The following SVIL variants were observed in gnomAD, a reference collection of about 807,000 sequenced individuals.
SVIL encodes archvillin.
In SVIL, 101 loss-of-function variants were observed where a neutral mutation model predicts 240.4. The observed-to-expected ratio is 0.42, with a 90% CI of 0.36 to 0.50. The LOEUF is 0.50. SVIL is among the 20% of genes least tolerant of loss of function. SVIL has a pLI of 0.01. For synonymous variants in SVIL, 999 were observed against 1,100.0 expected, an observed-to-expected ratio of 0.91 and a Z score of 1.82; for missense variants, 2,512 against 2,818.7, an observed-to-expected ratio of 0.89 and a Z score of 2.46.
intron 2 of SVIL, among the ~76,000 whole-genome samples, chr10:29,664,409 T>C (rs1959193248): frequency 6.6e-6 from 1 of 152,122 alleles, no homozygotes; most frequent in Admixed American, 6.5e-5. Flanking sequence ...TGATGTAATA[T>C]TGTCTATAGC....
chr10:29,599,360 T>A (rs1018853445), intron 1 of SVIL, among the ~76,000 whole-genome samples: 9 of 152,240 alleles, frequency 5.9e-5, no homozygotes, highest in East Asian at 1.9e-4. Flanking sequence ...GTGAGAATGT[T>A]GTTTTCTTTC....
chr10:29,640,282 C>G (rs895063009), intron 3 of SVIL, among the ~76,000 whole-genome samples: 2 of 152,164 alleles, frequency 1.3e-5, no homozygotes, highest in Non-Finnish European at 2.9e-5. Flanking sequence ...CTGGCACTTT[C>G]TGACCACTTC....
intron 1 of SVIL, among the ~76,000 whole-genome samples, chr10:29,719,191 C>A (rs1332223412): frequency 6.6e-6 from 1 of 152,140 alleles, no homozygotes. Context: ...CCCATTTATG[C>A]TGGAGGTTGC....
chr10:29,615,195 T>A (rs1957386563), intron 1 of SVIL, among the ~76,000 whole-genome samples: 2 of 152,196 alleles, frequency 1.3e-5, no homozygotes, highest in African/African-American at 2.4e-5. Flanking sequence ...TGCTATTTTT[T>A]AAAAAACTAT....
At chr10:29,598,386 T>C (rs1956678206) in intron 1 of SVIL, among the ~76,000 whole-genome samples, 1 of 152,204 alleles carries the variant, frequency 6.6e-6, no homozygotes, top group Non-Finnish European at 1.5e-5. Flanking sequence ...TGTGTGTATT[T>C]TACCACAATA....
intron 6 of SVIL, among the ~76,000 whole-genome samples, chr10:29,540,580 C>T (rs1564605361): frequency 1.3e-5 from 2 of 152,190 alleles, no homozygotes; most frequent in Admixed American, 6.5e-5. Flanking sequence ...CAGCATGCAC[C>T]TTCCTTCCAG....
chr10:29,696,661 A>G (rs1962045518), intron 1 of SVIL, among the ~76,000 whole-genome samples: 1 of 149,132 alleles, frequency 6.7e-6, no homozygotes, highest in Admixed American at 6.6e-5. Context: ...TTGGGAGGTG[A>G]GGAGTGTCTC....
intron 1 of SVIL, among the ~76,000 whole-genome samples, chr10:29,701,925 G>A (rs934246621): frequency 1.3e-5 from 2 of 152,268 alleles, no homozygotes; most frequent in Middle Eastern, 3.4e-3. Flanking sequence ...TGTAATCCCA[G>A]CACTTTGGGA....
intron 2 of SVIL, among the ~76,000 whole-genome samples, chr10:29,670,782 C>T (rs1333306614): frequency 1.3e-5 from 2 of 152,172 alleles, no homozygotes; most frequent in Non-Finnish European, 2.9e-5. Flanking sequence ...GCCAGCAAGG[C>T]TCAGCCTCCA....
chr10:29,694,465 AT>A (rs142372925), intron 1 of SVIL, among the ~76,000 whole-genome samples: 15 of 150,094 alleles, frequency 1.0e-4, no homozygotes, highest in African/African-American at 2.2e-4. Context: ...CCAAAATACA[AT>A]TTTTTTTTTC....
chr10:29,522,181 G>A (rs190083981), intron 16 of SVIL, among the ~76,000 whole-genome samples: 161 of 152,248 alleles, frequency 1.1e-3, no homozygotes, highest in African/African-American at 3.7e-3. Context: ...ATCTGAGTCT[G>A]GAACCAGCCC....
intron 3 of SVIL, among the ~76,000 whole-genome samples, chr10:29,646,086 T>C (rs556989910): frequency 1.3e-5 from 2 of 152,324 alleles, no homozygotes; most frequent in African/African-American, 4.8e-5. Flanking sequence ...TCATCTTCAG[T>C]GCCTAGGATA....
intron 17 of SVIL, among the ~76,000 whole-genome samples, chr10:29,505,151 C>T (rs906993068): frequency 4.6e-5 from 7 of 152,110 alleles, no homozygotes; most frequent in African/African-American, 1.7e-4. Context: ...GGCGAAACCC[C>T]ATCTCTACTA....
intron 21 of SVIL, among the ~76,000 whole-genome samples, chr10:29,491,727 G>A (rs756803692): frequency 9.6e-4 from 146 of 152,230 alleles, no homozygotes; most frequent in Middle Eastern, 3.4e-3. Context: ...CTCCAGCTGC[G>A]CGGGCCTCTG....
At chr10:29,511,434 G>A (rs1319745838) in intron 17 of SVIL, among the ~76,000 whole-genome samples, 16 of 145,296 alleles carry the variant, frequency 1.1e-4, no homozygotes, top group African/African-American at 3.3e-4. Flanking sequence ...GGGGCCAGGC[G>A]CTGCTTGGTG....
chr10:29,483,487 G>T (rs1241115606), intron 27 of SVIL: 1 of 152,206 alleles, frequency 6.6e-6, no homozygotes, highest in Non-Finnish European at 1.5e-5. Flanking sequence ...GCTGGGCTGA[G>T]CAAATGCATT....
At chr10:29,582,237 CAA>C (rs1299081459) in intron 1 of SVIL, among the ~76,000 whole-genome samples, 1 of 152,136 alleles carries the variant, frequency 6.6e-6, no homozygotes, top group Non-Finnish European at 1.5e-5. Flanking sequence ...TATTTCAGTG[CAA>C]TCTACAATAA....
chr10:29,506,168 C>A lies in SVIL; in HGVS notation c.3516+6567G>T, dbSNP rs1469507756. Among the ~76,000 whole-genome samples, 4 of 152,236 alleles carry A rather than the reference C, an allele frequency of 2.6e-5. No individual in the cohort carries two copies. The South Asian group carries it at 8.3e-4, about 32-fold the overall frequency. On this transcript the variant is annotated intron_variant, in intron 17 of 37. Coordinates refer to ENST00000355867, the MANE Select transcript of SVIL (RefSeq NM_021738.3). ...ATGCGGAACTGGAAGAGATGAAGGG[C>A]CGACTGTATACACTTAAAGACTTCA...
intron 2 of SVIL, among the ~76,000 whole-genome samples, chr10:29,679,204 C>A (rs1482941389): frequency 6.6e-6 from 1 of 152,058 alleles, no homozygotes; most frequent in African/African-American, 2.4e-5. Flanking sequence ...GACTCCGTCA[C>A]AAACAAACAA....
Sources: allele counts gnomAD v4.1 joint callset (sites outside exome capture counted in the v4.1 genomes callset), GRCh38; gene constraint gnomAD v4.1.1; transcripts MANE v1.5; gene names NCBI Gene and HGNC (gene_info 2026-07-23, HGNC 2026-07-21).